The following ERCC2 variants were observed in gnomAD, a reference collection of about 807,000 sequenced individuals.
The protein encoded by ERCC2 is general transcription and DNA repair factor IIH helicase subunit XPD.
ERCC2 carries 90 observed loss-of-function variants against 99.4 expected under a neutral mutation model. The observed-to-expected ratio is 0.91, with a 90% CI of 0.76 to 1.08. The LOEUF is 1.08. Ranked by LOEUF, ERCC2 falls within the 50% of genes least tolerant of loss-of-function variation. ERCC2 has a pLI of 0.00. For synonymous variants in ERCC2, 497 were observed against 432.4 expected, an observed-to-expected ratio of 1.15 and a Z score of -1.85; for missense variants, 993 against 1,038.1, an observed-to-expected ratio of 0.96 and a Z score of 0.60.
intron 15 of ERCC2, 138 bp downstream of exon 15, chr19:45,357,132 C>T (rs1324905182): frequency 2.3e-5 from 15 of 647,750 alleles, no homozygotes; most frequent in Non-Finnish European, 3.9e-5. Flanking sequence ...AGAATCAAGC[C>T]TAAGTCTGTC....
At chr19:45,358,600 A>G (rs1194675684) in intron 12 of ERCC2, 20 of 499,158 alleles carry the variant, frequency 4.0e-5, no homozygotes, top group Non-Finnish European at 6.2e-5. Context: ...CAGCAGGCTC[A>G]GTCCCCCCAG....
chr19:45,370,339 G>A (rs1972565503), intron 1 of ERCC2, 107 bp from the exon 2 acceptor site: 3 of 1,541,782 alleles, frequency 1.9e-6, no homozygotes, highest in Non-Finnish European at 2.6e-6. Context: ...CGGCGCCCCC[G>A]GTAACCCTCA....
Position 45,369,124 on chromosome 19 carries a change from G to A in ERCC2, c.129C>T (p.Pro43=), listed in dbSNP as rs1406898282. Residue 43 remains proline, a synonymous_variant, in exon 3 of 23, where the codon CCC becomes CCT. Transcript: ENST00000391945. ...DAKGHGVLEM[P]SGTGKTVSLL... is the part of the protein sequence containing the mutation. ...GGGATACTGTCTTCCCGGTGCCTGA[G>A]GGCATCTCCAGGACTCCATGACCCT... 6.2e-7 allele frequency: 1 copy of A among 1,614,010 alleles called. No homozygotes were observed. The highest frequency in any genetic ancestry group is 8.5e-7 in the Non-Finnish European group (1 of 1,180,020).
At chr19:45,353,434 C>G in intron 17 of ERCC2, 100 bp from the exon 18 acceptor site, 1 of 777,358 alleles carries the variant, frequency 1.3e-6, no homozygotes, top group Non-Finnish European at 2.2e-6. Flanking sequence ...GTCTCTGGGC[C>G]TCAGCTGGCT....
At chr19:45,358,607 C>G (rs1972097114) in intron 12 of ERCC2, 1 of 531,042 alleles carries the variant, frequency 1.9e-6, no homozygotes, top group Non-Finnish European at 3.4e-6. Context: ...CTCAGTCCCC[C>G]CAGGGCCTTT....
chr19:45,361,430 C>T, intron 12 of ERCC2, 94 bp downstream of exon 12: 1 of 898,774 alleles, frequency 1.1e-6, no homozygotes, highest in Non-Finnish European at 1.9e-6. Flanking sequence ...CCCCACAAAG[C>T]CCTGTGTGTC....
At chr19:45,363,208 G>A (rs3916817) in intron 11 of ERCC2, among the ~76,000 whole-genome samples, 46 of 152,058 alleles carry the variant, frequency 3.0e-4, no homozygotes, top group Non-Finnish European at 5.3e-4. Context: ...CCCAAAATGC[G>A]CCCAGACTAC....
intron 19 of ERCC2, 21 bp downstream of exon 19, chr19:45,353,062 G>A (rs1484669182): frequency 6.2e-6 from 10 of 1,609,014 alleles, no homozygotes; most frequent in African/African-American, 1.3e-5. Flanking sequence ...CACCTGGGGA[G>A]GAAGAGCCCA....
In ERCC2 at chr19:45,350,725, G is replaced by A. The variant is rs766105457; in HGVS notation, c.*904C>T. 87 of 1,612,918 alleles carry A rather than the reference G, an allele frequency of 5.4e-5. No individual in the cohort carries two copies. The highest frequency in any genetic ancestry group is 3.3e-4 in the Middle Eastern group (2 of 6,056). On this transcript the variant is annotated 3_prime_UTR_variant, in exon 23 of 23. Transcript: ENST00000391945. The stretch of plus-strand genomic sequence containing the variant: ...GAAGCTGGTCTCCCGGCTCCGAGGC[G>A]AGGCGGCGGCAGGAGCAGCCGGGTG...
rs73559309 is a variant in ERCC2, at chr19:45,361,758, G to C, written c.1119-116C>G. The C allele has an allele frequency of 5.7e-3, 4,537 of 795,316 alleles. 140 individuals are homozygous for C. The African/African-American group carries it at 0.066, about 12-fold the overall frequency. 49.3% of individuals were successfully genotyped at this position (795,316 alleles called of 1,614,324 possible). A position where few individuals can be genotyped will look rare whatever the true frequency, so the allele number is the denominator to read the frequency against. Reference sequence around the variant, plus strand: ...TGTCTCCCCAGCCAATGAGCACTCAGTGAGGGTGGGCACTGGGCCTGTTTT... The same window carrying C: ...TGTCTCCCCAGCCAATGAGCACTCACTGAGGGTGGGCACTGGGCCTGTTTT... On this transcript the variant is annotated intron_variant, in intron 11 of 22. Coordinates refer to ENST00000391945, the MANE Select transcript of ERCC2 (RefSeq NM_000400.4).
intron 12 of ERCC2, among the ~76,000 whole-genome samples, chr19:45,359,437 G>A (rs1042135900): frequency 1.4e-4 from 22 of 152,260 alleles, no homozygotes; most frequent in Middle Eastern, 3.4e-3. Flanking sequence ...CATGAGGCCC[G>A]ATCTGGTTTC....
In ERCC2 at chr19:45,350,434, G is replaced by GGGCCCCT; in HGVS notation, c.*1194_*1195insAGGGGCC. 1 of 1,613,770 alleles carries GGGCCCCT rather than the reference G, an allele frequency of 6.2e-7. No individual in the cohort carries two copies. The highest frequency in any genetic ancestry group is 8.5e-7 in the Non-Finnish European group (1 of 1,179,822). ...GGAGGACCTACCCGCCCCTCTCGGT[G>GGGCCCCT]AGCCCCTAGCCCCTGTCTGTCTTCC... On this transcript the variant is annotated 3_prime_UTR_variant, in exon 23 of 23. Coordinates refer to ENST00000391945, the MANE Select transcript of ERCC2 (RefSeq NM_000400.4).
At chr19:45,355,028 C>T (rs1971965294) in intron 16 of ERCC2, among the ~76,000 whole-genome samples, 177 bp from the exon 17 acceptor site, 1 of 152,212 alleles carries the variant, frequency 6.6e-6, no homozygotes, top group African/African-American at 2.4e-5. Context: ...CCTGAAGTCA[C>T]ACCTGGCTAT....
chr19:45,363,360 GC>G (rs1972292737), intron 11 of ERCC2, among the ~76,000 whole-genome samples: 1 of 152,076 alleles, frequency 6.6e-6, no homozygotes, highest in South Asian at 2.1e-4. Context: ...CCCTGTCCAG[GC>G]CCCCACCAGT....
rs760834687 is a variant in ERCC2 at position 45,353,241 on chromosome 19, C to T, written c.1758+1G>A. ...TCTCCACGCTGGCCTCGCACACCCACCTCCTGGTACTTCTCCAGGGCGACA... is the reference window on the plus strand; with the variant it reads ...TCTCCACGCTGGCCTCGCACACCCATCTCCTGGTACTTCTCCAGGGCGACA... On this transcript the variant is annotated splice_donor_variant, in intron 18 of 22. Coordinates refer to ENST00000391945, the MANE Select transcript of ERCC2 (RefSeq NM_000400.4). LOFTEE classifies it high-confidence loss of function. The T allele has an allele frequency of 1.2e-6, 2 of 1,613,840 alleles. No homozygotes were observed. Among genetic ancestry groups the T allele is most frequent in the African/African-American group, 2.7e-5 (2 of 74,876 alleles).
At chr19:45,352,915 G>C in intron 19 of ERCC2, 99 bp from the exon 20 acceptor site, 1 of 1,288,140 alleles carries the variant, frequency 7.8e-7, no homozygotes, top group Non-Finnish European at 1.1e-6. Context: ...GAGTTGGGGG[G>C]AGAGGGTGTG....
chr19:45,366,127 C>A (rs9676583), intron 5 of ERCC2, among the ~76,000 whole-genome samples: 96,811 of 151,656 alleles, frequency 0.64, 32,505 homozygotes, highest in African/African-American at 0.87. Flanking sequence ...TGAGCCACTG[C>A]GCCCAGCCAG....
intron 15 of ERCC2, 68 bp from the exon 16 acceptor site, chr19:45,355,796 T>G: frequency 8.8e-7 from 1 of 1,133,580 alleles, no homozygotes; most frequent in Non-Finnish European, 1.3e-6. Flanking sequence ...GCTGACCACC[T>G]GCTGGTGCTG....
At position 45,352,825 on chromosome 19, in the gene ERCC2, C is replaced by A. The variant is rs756607008; in HGVS notation, c.1832-9G>T. 1.9e-6 allele frequency: 3 copies of A among 1,612,666 alleles called. No homozygotes were observed. The highest frequency in any genetic ancestry group is 1.3e-5 in the African/African-American group (1 of 74,516). ...CCGCCCGTAGTGGTGCACTGGTGGG[C>A]AGAGGAGAGGGGGCGAGGGGGGTTA... is the stretch of plus-strand genomic sequence containing the variant. On this transcript the variant is annotated splice_polypyrimidine_tract_variant and intron_variant, in intron 19 of 22. Transcript: ENST00000391945.
Sources: gnomAD v4.1 joint callset for allele counts (sites outside exome capture counted in the v4.1 genomes callset) on GRCh38, gnomAD v4.1.1 for gene constraint, MANE v1.5 for transcripts, NCBI Gene and HGNC (gene_info 2026-07-23, HGNC 2026-07-21) for gene names.